PPP2R2B: variants seen among roughly 807,000 people sequenced by gnomAD.
PPP2R2B encodes serine/threonine-protein phosphatase 2A 55 kDa regulatory subunit B beta isoform.
In PPP2R2B, 5 loss-of-function variants were observed where a neutral mutation model predicts 46.0. That is an observed-to-expected ratio of 0.11 (90% confidence interval 0.06 to 0.23). The LOEUF is 0.23. Among genes scored for constraint, PPP2R2B ranks in the 10% least tolerant of loss-of-function variants. The probability of loss-of-function intolerance (pLI) is 1.00; values close to 1 mark genes in which losing one functional copy is unlikely to be tolerated. For missense variants in PPP2R2B, 367 were observed against 575.0 expected (o/e 0.64, Z 3.70); for synonymous variants, 215 against 206.7 (o/e 1.04, Z -0.34).
intron 4 of PPP2R2B, among the ~76,000 whole-genome samples, chr5:146,694,802 TTC>T (rs77231096): frequency 0.097 from 14,769 of 152,178 alleles, 971 homozygotes; most frequent in East Asian, 0.35. Context: ...ATTTTGTGAT[TTC>T]TTTTATATTT....
chr5:146,782,816 C>G (rs1582092859), intron 2 of PPP2R2B, among the ~76,000 whole-genome samples: 1 of 151,460 alleles, frequency 6.6e-6, no homozygotes, highest in African/African-American at 2.4e-5. Context: ...GGAGAGGAAA[C>G]AGAAGAAAGA....
At chr5:146,813,979 G>T (rs1450479620) in intron 2 of PPP2R2B, among the ~76,000 whole-genome samples, 3 of 152,134 alleles carry the variant, frequency 2.0e-5, no homozygotes, top group African/African-American at 7.2e-5. Context: ...GGAGAAAAGG[G>T]AAGTAAAATT....
chr5:146,738,264 C>T (rs922856720), intron 2 of PPP2R2B, among the ~76,000 whole-genome samples: 2 of 151,392 alleles, frequency 1.3e-5, no homozygotes, highest in South Asian at 2.1e-4. Context: ...GGCGTGATGG[C>T]GGGTGCCTGT....
chr5:146,865,411 C>T (rs1027601198), intron 2 of PPP2R2B, among the ~76,000 whole-genome samples: 5 of 151,968 alleles, frequency 3.3e-5, no homozygotes, highest in South Asian at 4.2e-4. Context: ...TTGATTTTCT[C>T]TTTTAGAATT....
intron 2 of PPP2R2B, among the ~76,000 whole-genome samples, chr5:146,829,007 C>T (rs148162898): frequency 4.4e-4 from 67 of 152,054 alleles, no homozygotes; most frequent in Non-Finnish European, 5.9e-4. Flanking sequence ...TAGAGAAGAA[C>T]GGGTAAGTGA....
chr5:146,917,558 A>T (rs530295844), intron 1 of PPP2R2B, among the ~76,000 whole-genome samples: 2 of 152,246 alleles, frequency 1.3e-5, no homozygotes, highest in Non-Finnish European at 2.9e-5. Context: ...GTTATGCCCA[A>T]GGGCACACAA....
intron 2 of PPP2R2B, among the ~76,000 whole-genome samples, chr5:146,838,605 GAGA>G (rs1759438859): frequency 6.6e-6 from 1 of 151,436 alleles, no homozygotes; most frequent in African/African-American, 2.4e-5. Flanking sequence ...AAGGAAGGGA[GAGA>G]AGAATGGGAC....
At chr5:146,730,924 A>G (rs1752190697) in intron 2 of PPP2R2B, among the ~76,000 whole-genome samples, 1 of 152,194 alleles carries the variant, frequency 6.6e-6, no homozygotes, top group Admixed American at 6.5e-5. Context: ...TGTAGCCAAA[A>G]GATATTCTCT....
At chr5:146,657,282 C>T (rs1276625746) in intron 5 of PPP2R2B, among the ~76,000 whole-genome samples, 1 of 152,130 alleles carries the variant, frequency 6.6e-6, no homozygotes, top group Non-Finnish European at 1.5e-5. Flanking sequence ...CCATGGCAAC[C>T]TCCAGTAGCT....
chr5:146,850,805 C>T (rs1487871789), intron 2 of PPP2R2B, among the ~76,000 whole-genome samples: 2 of 152,138 alleles, frequency 1.3e-5, no homozygotes, highest in Non-Finnish European at 2.9e-5. Context: ...GGTCTTGTCA[C>T]TCCATATTCC....
intron 2 of PPP2R2B, among the ~76,000 whole-genome samples, chr5:146,842,558 G>A (rs1378508254): frequency 2.7e-5 from 4 of 149,042 alleles, no homozygotes; most frequent in Non-Finnish European, 4.4e-5. Context: ...AACATGTGCC[G>A]TGGGGGTTTG....
At chr5:146,809,058 A>AAAGACAT (rs1389640619) in intron 2 of PPP2R2B, among the ~76,000 whole-genome samples, 1 of 152,062 alleles carries the variant, frequency 6.6e-6, no homozygotes, top group Non-Finnish European at 1.5e-5. Context: ...ACAGCAACAA[A>AAAGACAT]AAGACATACC....
chr5:147,038,559 C>T lies in PPP2R2B; in HGVS notation c.79+17106G>A, dbSNP rs540657274. On this transcript the variant is annotated intron_variant, in intron 1 of 8. Transcript: ENST00000336640. ...AATTCTGTTCAATGAGTGGCTGGTGCGATAAAAGGATGGCAACAATGATCA... is the reference window on the plus strand; with the variant it reads ...AATTCTGTTCAATGAGTGGCTGGTGTGATAAAAGGATGGCAACAATGATCA... Among the ~76,000 whole-genome samples the T allele has an allele frequency of 2.3e-4, 35 of 151,990 alleles. No individual in the cohort carries two copies. The East Asian group carries it at 5.2e-3, about 23-fold the overall frequency.
chr5:146,663,776 T>C (rs1004316536), intron 5 of PPP2R2B, among the ~76,000 whole-genome samples: 2 of 152,180 alleles, frequency 1.3e-5, no homozygotes, highest in South Asian at 4.1e-4. Context: ...TGGATGCTGA[T>C]TGATCAGGGT....
chr5:146,960,359 G>T (rs372920750), intron 1 of PPP2R2B, among the ~76,000 whole-genome samples: 1 of 151,884 alleles, frequency 6.6e-6, no homozygotes, highest in Non-Finnish European at 1.5e-5. Context: ...GCACAATCTC[G>T]GCTCACTGCA....
chr5:146,617,090 G>C (rs1370929827), intron 7 of PPP2R2B: 1 of 152,162 alleles, frequency 6.6e-6, no homozygotes, highest in East Asian at 1.9e-4. Flanking sequence ...TGGAACTGCA[G>C]GTCTTTATGT....
rs146007468 is a variant in PPP2R2B at position 146,891,078 on chromosome 5, G to T, written c.79+164587C>A. Among the ~76,000 whole-genome samples, 107 of 152,312 alleles carry T rather than the reference G, an allele frequency of 7.0e-4. 2 individuals are homozygous for T. In the East Asian group the frequency reaches 0.02, roughly 28 times the overall value. Reference sequence around the variant, plus strand: ...GCAAATTTTTTCGTAGAGAATAAAAGTGGCTGTCACAGATACAGCACTTAA... The same window carrying T: ...GCAAATTTTTTCGTAGAGAATAAAATTGGCTGTCACAGATACAGCACTTAA... On this transcript the variant is annotated intron_variant, in intron 1 of 8. Coordinates refer to the PPP2R2B transcript ENST00000336640.
At chr5:146,659,924 G>A (rs1024235510) in intron 5 of PPP2R2B, among the ~76,000 whole-genome samples, 8 of 152,306 alleles carry the variant, frequency 5.3e-5, no homozygotes, top group African/African-American at 1.9e-4. Context: ...TGAGGTTTTA[G>A]CATCTCTTCC....
intron 2 of PPP2R2B, among the ~76,000 whole-genome samples, chr5:146,735,094 A>G (rs1369110046): frequency 1.3e-5 from 2 of 152,166 alleles, no homozygotes; most frequent in African/African-American, 2.4e-5. Flanking sequence ...AGGAACCGCG[A>G]TCTTTTTTAT....
Sources: gnomAD v4.1 joint callset for allele counts (sites outside exome capture counted in the v4.1 genomes callset) on GRCh38, gnomAD v4.1.1 for gene constraint, MANE v1.5 for transcripts, NCBI Gene and HGNC (gene_info 2026-07-23, HGNC 2026-07-21) for gene names.